VPS13B: variants seen among roughly 807,000 people sequenced by gnomAD.
VPS13B encodes vacuolar protein sorting 13 homolog B.
Under a neutral mutation model 426.4 loss-of-function variants are expected in VPS13B, and 285 were observed. The ratio of observed to expected loss-of-function variants is 0.67; its 90% CI spans 0.61 to 0.74. VPS13B has a LOEUF of 0.74. VPS13B is among the 30% of genes least tolerant of loss of function. VPS13B has a pLI of 0.00. For synonymous variants in VPS13B, 1,676 were observed against 1,676.4 expected (o/e 1.00, Z 0.01); for missense variants, 4,537 against 4,782.6 (o/e 0.95, Z 1.51).
intron 25 of VPS13B, among the ~76,000 whole-genome samples, chr8:99,493,237 T>C (rs1042220262): frequency 1.3e-5 from 2 of 152,318 alleles, no homozygotes; most frequent in Admixed American, 6.5e-5. Context: ...TTGAATTCTA[T>C]ATTTTTTTCT....
intron 25 of VPS13B, among the ~76,000 whole-genome samples, chr8:99,488,541 T>G (rs918361150): frequency 2.6e-5 from 4 of 152,180 alleles, no homozygotes; most frequent in Non-Finnish European, 5.9e-5. Context: ...ACTTGATAAG[T>G]GAGCAAAGAT....
At chr8:99,231,042 T>A (rs1019011311) in intron 17 of VPS13B, among the ~76,000 whole-genome samples, 1 of 152,242 alleles carries the variant, frequency 6.6e-6, no homozygotes, top group Non-Finnish European at 1.5e-5. Flanking sequence ...TATTTTTAAT[T>A]ACAGGTAAGC....
intron 9 of VPS13B, 89 bp downstream of exon 9, chr8:99,134,816 A>C: frequency 8.1e-7 from 1 of 1,235,080 alleles, no homozygotes; most frequent in Non-Finnish European, 1.1e-6. Context: ...TAGTGTATTT[A>C]AAAATACAAG....
In VPS13B at chr8:99,111,082, T is replaced by C; in HGVS notation, c.581-16T>C. The C allele has an allele frequency of 3.1e-6, 5 of 1,596,688 alleles. No homozygotes were observed. The highest frequency in any genetic ancestry group is 4.3e-6 in the Non-Finnish European group (5 of 1,171,494). ...TAATTTTCCTTTTTACTTAAAATGT[T>C]TTTTTTTCTTTTTAGCAACTGATTT... is the stretch of plus-strand genomic sequence containing the variant. On this transcript the variant is annotated splice_polypyrimidine_tract_variant and intron_variant, in intron 5 of 61. Coordinates refer to ENST00000357162, the MANE Select transcript of VPS13B (RefSeq NM_152564.5).
chr8:99,331,922 G>A (rs1407676822), intron 19 of VPS13B, among the ~76,000 whole-genome samples: 2 of 151,676 alleles, frequency 1.3e-5, no homozygotes, highest in Non-Finnish European at 3.0e-5. Context: ...AGTAATTTAA[G>A]ATAAAGGAAT....
chr8:99,639,985 GTAATAA>G (rs58877812), intron 33 of VPS13B, among the ~76,000 whole-genome samples: 8,062 of 80,414 alleles, frequency 0.1, 546 homozygotes, highest in Non-Finnish European at 0.11. Context: ...TTTAAAAATA[GTAATAA>G]TAATAATAAT....
chr8:99,201,260 T>C (rs1344503337), intron 17 of VPS13B, among the ~76,000 whole-genome samples: 3 of 152,158 alleles, frequency 2.0e-5, no homozygotes, highest in African/African-American at 7.2e-5. Context: ...ATAAAATGCA[T>C]GTATATAATT....
chr8:99,565,070 G>A (rs1210592684), intron 31 of VPS13B, among the ~76,000 whole-genome samples: 2 of 152,144 alleles, frequency 1.3e-5, no homozygotes, highest in South Asian at 2.1e-4. Flanking sequence ...GAGGTGGAAA[G>A]TTTATCTTAT....
At chr8:99,429,996 T>G (rs938421909) in intron 21 of VPS13B, among the ~76,000 whole-genome samples, 16 of 152,182 alleles carry the variant, frequency 1.1e-4, no homozygotes, top group Non-Finnish European at 8.8e-5. Context: ...CTCCATACTT[T>G]GCTTGAAAAT....
At chr8:99,536,570 A>G (rs1460849861) in intron 30 of VPS13B, 2 of 509,776 alleles carry the variant, frequency 3.9e-6, no homozygotes, top group Non-Finnish European at 8.1e-6. Context: ...CATAGAGTGC[A>G]TAGCTTCTGT....
In VPS13B at chr8:99,387,767, C is replaced by T. The variant is rs138412202; in HGVS notation, c.2934+3450C>T. 6.3e-3 allele frequency among the ~76,000 whole-genome samples: 959 copies of T among 151,804 alleles called. 8 individuals are homozygous for T. Among genetic ancestry groups the T allele is most frequent in the African/African-American group, 0.022 (900 of 41,386 alleles). ...AATCTGTTAGGTGAAAAAAAAATGC[C>T]GATATACAAGTATTGGTGAAAATGT... On this transcript the variant is annotated intron_variant, in intron 20 of 61. Transcript: ENST00000357162.
At chr8:99,660,474 A>C (rs1406576140) in intron 34 of VPS13B, among the ~76,000 whole-genome samples, 3 of 152,278 alleles carry the variant, frequency 2.0e-5, no homozygotes, top group Non-Finnish European at 4.4e-5. Flanking sequence ...TAAAACTGAC[A>C]TTCAGAGGCC....
intron 33 of VPS13B, among the ~76,000 whole-genome samples, chr8:99,628,689 A>G (rs1828713871): frequency 6.6e-6 from 1 of 152,182 alleles, no homozygotes; most frequent in African/African-American, 2.4e-5. Flanking sequence ...GTTCCGAGAC[A>G]AACTATGTAG....
At chr8:99,411,205 G>A (rs1815640398) in intron 21 of VPS13B, among the ~76,000 whole-genome samples, 1 of 151,948 alleles carries the variant, frequency 6.6e-6, no homozygotes, top group Non-Finnish European at 1.5e-5. Flanking sequence ...CCTATTCTCT[G>A]CATCCTCTCC....
intron 44 of VPS13B, 30 bp from the exon 45 acceptor site, chr8:99,817,510 T>C: frequency 6.2e-7 from 1 of 1,613,040 alleles, no homozygotes. Context: ...TCTGAATTGA[T>C]GAAGCCTTAT....
At chr8:99,871,288 G>A (rs910567483) in intron 60 of VPS13B, 160 bp from the exon 61 acceptor site, 1 of 1,133,160 alleles carries the variant, frequency 8.8e-7, no homozygotes, top group African/African-American at 1.5e-5. Context: ...ATCAGAATCA[G>A]TCTGAGAACT....
chr8:99,819,294 C>G, intron 47 of VPS13B, 118 bp from the exon 48 acceptor site: 1 of 1,208,506 alleles, frequency 8.3e-7, no homozygotes, highest in Non-Finnish European at 1.2e-6. Context: ...CATAAATGGA[C>G]TCTATCTACC....
chr8:99,834,896 T>C (rs1271566924), intron 52 of VPS13B, among the ~76,000 whole-genome samples: 1 of 152,188 alleles, frequency 6.6e-6, no homozygotes, highest in Non-Finnish European at 1.5e-5. Flanking sequence ...GTACCCTGCC[T>C]GGCGAAGGAG....
chr8:99,186,420 A>T (rs911485744), intron 16 of VPS13B, among the ~76,000 whole-genome samples: 13 of 152,100 alleles, frequency 8.5e-5, no homozygotes, highest in Non-Finnish European at 1.6e-4. Flanking sequence ...TCTTTAAAAA[A>T]TTTTTTGAGG....
Sources: gnomAD v4.1 joint callset for allele counts (sites outside exome capture counted in the v4.1 genomes callset) on GRCh38, gnomAD v4.1.1 for gene constraint, MANE v1.5 for transcripts, NCBI Gene and HGNC (gene_info 2026-07-23, HGNC 2026-07-21) for gene names.